Variants in PSMA1 observed in about 807,000 individuals in gnomAD.
PSMA1 encodes the protein proteasome subunit alpha type-1.
PSMA1 carries 3 observed loss-of-function variants against 38.4 expected under a neutral mutation model. That is an observed-to-expected ratio of 0.08 (90% CI 0.04 to 0.20). The LOEUF is 0.20. Ranked by LOEUF, PSMA1 falls within the 10% of genes least tolerant of loss-of-function variation. The pLI is 1.00. For synonymous variants in PSMA1, 101 were observed against 107.1 expected, an observed-to-expected ratio of 0.94 and a Z score of 0.35; for missense variants, 227 against 325.3, an observed-to-expected ratio of 0.70 and a Z score of 2.32.
chr11:14,507,081 G>A (rs1851255766), intron 9 of PSMA1, among the ~76,000 whole-genome samples: 2 of 152,162 alleles, frequency 1.3e-5, no homozygotes, highest in Non-Finnish European at 2.9e-5. Context: ...ATTGTGAGAA[G>A]TAGTGTTTGT....
rs182145720 is a variant in PSMA1, at chr11:14,594,685, G to T, written c.21+16281C>A. Among the ~76,000 whole-genome samples the T allele has an allele frequency of 3.2e-3, 487 of 152,186 alleles. 2 individuals are homozygous for T. Among genetic ancestry groups the T allele is most frequent in the Middle Eastern group, 0.014 (4 of 294 alleles). On this transcript the variant is annotated intron_variant, in intron 2 of 10. Transcript: ENST00000418988. ...ATTATTTTTCCATAGCACAATGTTA[G>T]CTTCTAGTTATCATTCATATTACAG...
intron 2 of PSMA1, among the ~76,000 whole-genome samples, chr11:14,597,803 T>C (rs1333892918): frequency 6.6e-6 from 1 of 152,204 alleles, no homozygotes; most frequent in African/African-American, 2.4e-5. Context: ...TTTGAATGTG[T>C]TTGCTCTTGC....
At chr11:14,627,322 C>T (rs929201458) in intron 1 of PSMA1, among the ~76,000 whole-genome samples, 2 of 152,166 alleles carry the variant, frequency 1.3e-5, no homozygotes, top group East Asian at 1.9e-4. Flanking sequence ...GGTTCCTAGA[C>T]CTCCTGCCTC....
chr11:14,622,293 T>G (rs1222727651), intron 1 of PSMA1, among the ~76,000 whole-genome samples: 1 of 152,234 alleles, frequency 6.6e-6, no homozygotes, highest in Non-Finnish European at 1.5e-5. Flanking sequence ...CAGTTCACAT[T>G]CCTGTGGGTT....
At chr11:14,630,923 T>A (rs1852996252) in intron 1 of PSMA1, among the ~76,000 whole-genome samples, 1 of 152,216 alleles carries the variant, frequency 6.6e-6, no homozygotes, top group Admixed American at 6.5e-5. Context: ...AATTTATCCA[T>A]TTCTTCTAGA....
chr11:14,565,674 A>C (rs1253887180), intron 2 of PSMA1, among the ~76,000 whole-genome samples: 1 of 152,224 alleles, frequency 6.6e-6, no homozygotes, highest in East Asian at 1.9e-4. Context: ...TCATGGAGCA[A>C]AGCAGACAAA....
chr11:14,643,528 C>T (rs981086871), exon 1 of PSMA1: 5 of 152,218 alleles, frequency 3.3e-5, no homozygotes, highest in African/African-American at 9.7e-5. Context: ...TGACCTCGTC[C>T]TTCTCTTTCA....
chr11:14,549,969 T>C (rs1261470497), intron 2 of PSMA1, among the ~76,000 whole-genome samples: 1 of 152,160 alleles, frequency 6.6e-6, no homozygotes, highest in Non-Finnish European at 1.5e-5. Flanking sequence ...AGCCTCATCT[T>C]CTCCTAATGT....
At chr11:14,590,715 T>G (rs1337978791) in intron 2 of PSMA1, among the ~76,000 whole-genome samples, 3 of 152,156 alleles carry the variant, frequency 2.0e-5, no homozygotes, top group Non-Finnish European at 2.9e-5. Context: ...CAGTCTGTGC[T>G]CCCCTGGGAT....
At chr11:14,518,716 A>C (rs1286875479) in intron 2 of PSMA1, among the ~76,000 whole-genome samples, 1 of 152,062 alleles carries the variant, frequency 6.6e-6, no homozygotes, top group Non-Finnish European at 1.5e-5. Context: ...CCTGGTAACC[A>C]CTGTTTTACT....
intron 1 of PSMA1, among the ~76,000 whole-genome samples, chr11:14,625,264 C>G (rs896774241): frequency 1.3e-5 from 2 of 152,154 alleles, no homozygotes. Flanking sequence ...GTCTGGCCAA[C>G]ATGGTGAAAC....
intron 2 of PSMA1, among the ~76,000 whole-genome samples, chr11:14,593,354 C>T (rs1022666200): frequency 2.0e-5 from 3 of 152,180 alleles, no homozygotes; most frequent in Non-Finnish European, 4.4e-5. Flanking sequence ...TTTACCTGAC[C>T]ACAGAAGCTT....
At chr11:14,613,058 C>G (rs370604092) in intron 1 of PSMA1, among the ~76,000 whole-genome samples, 1 of 151,922 alleles carries the variant, frequency 6.6e-6, no homozygotes, top group East Asian at 1.9e-4. Flanking sequence ...GATGGACAAC[C>G]ACCAAAGCAG....
At chr11:14,591,691 T>TA (rs1852417581) in intron 2 of PSMA1, among the ~76,000 whole-genome samples, 1 of 152,134 alleles carries the variant, frequency 6.6e-6, no homozygotes, top group Admixed American at 6.5e-5. Context: ...ACTCTGTATC[T>TA]AACTAATCTG....
chr11:14,553,181 T>C (rs9943662), intron 2 of PSMA1, among the ~76,000 whole-genome samples: 20,367 of 152,106 alleles, frequency 0.13, 1,593 homozygotes, highest in African/African-American at 0.21. Flanking sequence ...AAAATTATTA[T>C]AGATTCATAG....
chr11:14,510,782 C>T (rs1352314782), intron 8 of PSMA1, 90 bp downstream of exon 8: 3 of 794,198 alleles, frequency 3.8e-6, no homozygotes, highest in East Asian at 6.1e-5. Flanking sequence ...TCCCAAATTA[C>T]AGAATGTTGC....
At chr11:14,619,697 C>A (rs1852818501) in intron 1 of PSMA1, among the ~76,000 whole-genome samples, 1 of 151,948 alleles carries the variant, frequency 6.6e-6, no homozygotes, top group Non-Finnish European at 1.5e-5. Context: ...GTCTAACGGG[C>A]AAAATAGGGT....
At chr11:14,606,042 G>A (rs1852638662) in intron 2 of PSMA1, among the ~76,000 whole-genome samples, 1 of 152,178 alleles carries the variant, frequency 6.6e-6, no homozygotes, top group African/African-American at 2.4e-5. Flanking sequence ...TCCATCTTGA[G>A]TTAATTTCTG....
At chr11:14,510,614 A>G (rs1851327990) in intron 8 of PSMA1, among the ~76,000 whole-genome samples, 3 of 152,226 alleles carry the variant, frequency 2.0e-5, no homozygotes, top group African/African-American at 7.2e-5. Context: ...TGTTAACTAA[A>G]TAATACCAAG....
Sources: gnomAD v4.1 joint callset for allele counts (sites outside exome capture counted in the v4.1 genomes callset) on GRCh38, gnomAD v4.1.1 for gene constraint, MANE v1.5 for transcripts, NCBI Gene and HGNC (gene_info 2026-07-23, HGNC 2026-07-21) for gene names.